L3MBTL4: variants seen among roughly 807,000 people sequenced by gnomAD.
L3MBTL4 encodes L3MBTL histone methyl-lysine binding protein 4, also known as lethal(3)malignant brain tumor-like protein 4.
A neutral mutation model predicts 84.5 loss-of-function variants in L3MBTL4; 70 were observed. That is an observed-to-expected ratio of 0.83 (90% confidence interval 0.68 to 1.01). The LOEUF (loss-of-function observed/expected upper bound fraction) is 1.01, where lower values mean the gene tolerates loss of function less well. Among genes scored for constraint, L3MBTL4 ranks in the 50% least tolerant of loss-of-function variants. The pLI, the probability that L3MBTL4 is intolerant of heterozygous loss-of-function variation, is 0.00. For synonymous variants in L3MBTL4, 274 were observed against 259.8 expected, an observed-to-expected ratio of 1.05 and a Z score of -0.52; for missense variants, 715 against 754.8, an observed-to-expected ratio of 0.95 and a Z score of 0.62.
At chr18:6,224,132 T>A (rs2046677196) in intron 10 of L3MBTL4, among the ~76,000 whole-genome samples, 1 of 151,914 alleles carries the variant, frequency 6.6e-6, no homozygotes, top group African/African-American at 2.4e-5. Flanking sequence ...AAAACAAAAC[T>A]AATATGAAGA....
At chr18:6,163,496 T>A (rs999090872) in intron 13 of L3MBTL4, among the ~76,000 whole-genome samples, 1 of 152,104 alleles carries the variant, frequency 6.6e-6, no homozygotes, top group Non-Finnish European at 1.5e-5. Context: ...TCTTGATTAA[T>A]CTAAACAAAC....
intron 13 of L3MBTL4, among the ~76,000 whole-genome samples, chr18:6,154,321 G>A (rs1340794299): frequency 6.6e-6 from 1 of 152,120 alleles, no homozygotes; most frequent in African/African-American, 2.4e-5. Context: ...TTAAAAGATA[G>A]CAAGGGTAGT....
At chr18:6,311,402 C>G in intron 3 of L3MBTL4, 152 bp downstream of exon 3, 1 of 617,140 alleles carries the variant, frequency 1.6e-6, no homozygotes. Flanking sequence ...CACTTATATT[C>G]TATACCCCTA....
rs80352031 is a variant in L3MBTL4, at chr18:5,961,313, G to C, written c.1615-1157C>G. 2.8e-3 allele frequency among the ~76,000 whole-genome samples: 434 copies of C among 152,310 alleles called. 12 individuals are homozygous for C. In the East Asian group the frequency reaches 0.071, roughly 25 times the overall value. ...GCTGCCCCTGACGGTGCAGGAGACA[G>C]CACCAGGTGTTTGCTGATCCCAGGT... On this transcript the variant is annotated intron_variant, in intron 17 of 18. Coordinates refer to ENST00000317931, the MANE Select transcript of L3MBTL4 (RefSeq NM_001330559.2).
rs1203489382 is a variant in L3MBTL4 at position 6,095,355 on chromosome 18, T to TTTTTGTTTG, written c.1200-1828_1200-1827insCAAACAAAA. ...GAAGAAGGGGAACATGGTTTTTTTT[T>TTTTTGTTTG]TTTTTTTTTTGAGATGGAGTCTCGC... On this transcript the variant is annotated intron_variant, in intron 14 of 18. Coordinates refer to ENST00000317931, the MANE Select transcript of L3MBTL4 (RefSeq NM_001330559.2). Among the ~76,000 whole-genome samples, 376 of 147,836 alleles carry TTTTTGTTTG rather than the reference T, an allele frequency of 2.5e-3. 3 individuals carry two copies. Among genetic ancestry groups the TTTTTGTTTG allele is most frequent in the African/African-American group, 9.4e-3 (364 of 38,926 alleles).
chr18:5,994,925 T>C (rs543511486), intron 16 of L3MBTL4, among the ~76,000 whole-genome samples: 2 of 152,396 alleles, frequency 1.3e-5, no homozygotes, highest in African/African-American at 2.4e-5. Context: ...GTTCTACAAT[T>C]ATTCAGGGTG....
rs2095219866 is a variant in L3MBTL4 at position 5,955,134 on chromosome 18, A to G, written c.*1086T>C. 1 of 152,212 alleles carries G rather than the reference A, an allele frequency of 6.6e-6. No homozygotes were observed. The highest frequency in any genetic ancestry group is 6.5e-5 in the Admixed American group (1 of 15,280). The allele number at this position is 152,212 out of a possible 1,614,324, so 9.4% of individuals were successfully genotyped here. On this transcript the variant is annotated 3_prime_UTR_variant, in exon 19 of 19. Coordinates refer to ENST00000317931, the MANE Select transcript of L3MBTL4 (RefSeq NM_001330559.2). ...TAGTAAGAAGTGTCAGAAAAGAGGT[A>G]CTTGTCTTTCAACACTGTGGGACTG...
chr18:6,072,415 A>G (rs1598642942), intron 16 of L3MBTL4, among the ~76,000 whole-genome samples: 2 of 152,328 alleles, frequency 1.3e-5, no homozygotes, highest in East Asian at 3.9e-4. Context: ...TACCACATAT[A>G]AAAGAAAAAC....
In L3MBTL4 at chr18:6,327,818, C is replaced by T. The variant is rs73941329; in HGVS notation, c.-90-15762G>A. Among the ~76,000 whole-genome samples, 1,360 of 150,850 alleles carry T rather than the reference C, an allele frequency of 9.0e-3. 22 individuals are homozygous for T. The highest frequency in any genetic ancestry group is 0.025 in the African/African-American group (1,035 of 41,470). On this transcript the variant is annotated intron_variant, in intron 1 of 18. Transcript: ENST00000317931. The stretch of plus-strand genomic sequence containing the variant: ...TATTTGAATATTTAAAACAAAAATT[C>T]AACATTAGGGGTAGGTTATAGGAGG...
At chr18:6,382,017 GC>G (rs2054613125) in intron 1 of L3MBTL4, among the ~76,000 whole-genome samples, 1 of 152,100 alleles carries the variant, frequency 6.6e-6, no homozygotes. Context: ...TTTCTTGGAG[GC>G]TTTGTTCATT....
At chr18:6,097,307 A>G (rs2058672260) in intron 14 of L3MBTL4, among the ~76,000 whole-genome samples, 1 of 152,254 alleles carries the variant, frequency 6.6e-6, no homozygotes, top group South Asian at 2.1e-4. Context: ...CAGAGTGATT[A>G]CAATTTAAAA....
chr18:5,990,804 T>A (rs1433419745), intron 16 of L3MBTL4, among the ~76,000 whole-genome samples: 2 of 149,604 alleles, frequency 1.3e-5, no homozygotes, highest in African/African-American at 4.9e-5. Context: ...TGTGTGTGTG[T>A]GATGGGCTAC....
At chr18:6,386,557 T>A (rs369353970) in intron 1 of L3MBTL4, among the ~76,000 whole-genome samples, 8 of 152,230 alleles carry the variant, frequency 5.3e-5, no homozygotes, top group African/African-American at 1.9e-4. Flanking sequence ...ACACAGATAA[T>A]CCATATGCCA....
chr18:6,145,972 A>G (rs1385029848), intron 13 of L3MBTL4, among the ~76,000 whole-genome samples: 1 of 152,060 alleles, frequency 6.6e-6, no homozygotes, highest in Non-Finnish European at 1.5e-5. Flanking sequence ...TGAGTGGGGG[A>G]CGTGGGGAGA....
chr18:6,003,435 T>C (rs941343427), intron 16 of L3MBTL4, among the ~76,000 whole-genome samples: 28 of 151,810 alleles, frequency 1.8e-4, no homozygotes, highest in African/African-American at 6.8e-4. Flanking sequence ...AAAAGATAAA[T>C]AGACTATTCT....
chr18:6,304,792 C>A lies in L3MBTL4; in HGVS notation c.73-2835G>T, dbSNP rs139339467. Reference sequence around the variant, plus strand: ...TATGTAATTCAAAACAAAGAGACTCCCTTCTACTGCAAAACCTAAAACAGT... The same window carrying A: ...TATGTAATTCAAAACAAAGAGACTCACTTCTACTGCAAAACCTAAAACAGT... On this transcript the variant is annotated intron_variant, in intron 3 of 18. Coordinates refer to ENST00000317931, the MANE Select transcript of L3MBTL4 (RefSeq NM_001330559.2). 2.0e-3 allele frequency among the ~76,000 whole-genome samples: 311 copies of A among 152,272 alleles called. 4 individuals are homozygous for A. The East Asian group carries it at 0.048, about 24-fold the overall frequency.
At chr18:6,285,851 T>C (rs1180987282) in intron 4 of L3MBTL4, among the ~76,000 whole-genome samples, 1 of 150,168 alleles carries the variant, frequency 6.7e-6, no homozygotes, top group African/African-American at 2.4e-5. Context: ...ATTATTTTCC[T>C]AAGACGAGTC....
At chr18:5,996,233 T>C (rs990892310) in intron 16 of L3MBTL4, among the ~76,000 whole-genome samples, 5 of 152,112 alleles carry the variant, frequency 3.3e-5, no homozygotes, top group African/African-American at 1.2e-4. Flanking sequence ...TGGCCAAAGA[T>C]TCACTTGATG....
At chr18:6,165,921 G>A (rs560457607) in intron 13 of L3MBTL4, among the ~76,000 whole-genome samples, 1 of 152,152 alleles carries the variant, frequency 6.6e-6, no homozygotes, top group African/African-American at 2.4e-5. Flanking sequence ...TCAGTGTGCT[G>A]TATTCAGGAA....
Sources: gnomAD v4.1 joint callset for allele counts (sites outside exome capture counted in the v4.1 genomes callset) on GRCh38, gnomAD v4.1.1 for gene constraint, MANE v1.5 for transcripts, NCBI Gene and HGNC (gene_info 2026-07-23, HGNC 2026-07-21) for gene names.